Variants in HDAC9 observed in about 807,000 individuals in gnomAD.
HDAC9 encodes the protein histone deacetylase 9.
In HDAC9, 41 loss-of-function variants were observed where a neutral mutation model predicts 139.4. That is an observed-to-expected ratio of 0.29 (90% CI 0.23 to 0.38). HDAC9 has a LOEUF of 0.38. Among genes scored for constraint, HDAC9 ranks in the 10% least tolerant of loss-of-function variants. The pLI, the probability that HDAC9 is intolerant of heterozygous loss-of-function variation, is 1.00. For missense variants in HDAC9, 1,147 were observed against 1,297.0 expected, an observed-to-expected ratio of 0.88 and a Z score of 1.78; for synonymous variants, 517 against 476.2, an observed-to-expected ratio of 1.09 and a Z score of -1.12.
chr7:18,653,521 A>G (rs747105687), intron 11 of HDAC9, among the ~76,000 whole-genome samples: 3 of 152,118 alleles, frequency 2.0e-5, no homozygotes, highest in Non-Finnish European at 4.4e-5. Context: ...TCATGAGATG[A>G]TATCTTATAT....
At chr7:18,166,018 A>G (rs959980188) in intron 2 of HDAC9, among the ~76,000 whole-genome samples, 3 of 152,120 alleles carry the variant, frequency 2.0e-5, no homozygotes, top group African/African-American at 7.2e-5. Flanking sequence ...CGATCTCAAG[A>G]TTATAGAAAA....
At chr7:18,667,532 C>CT (rs1795169415) in intron 12 of HDAC9, 1 of 985,024 alleles carries the variant, frequency 1.0e-6, no homozygotes, top group Non-Finnish European at 1.2e-6. Flanking sequence ...TCCTTTGATG[C>CT]TATAAAATAC....
chr7:18,748,283 C>T (rs1788153294), intron 13 of HDAC9, among the ~76,000 whole-genome samples: 1 of 152,146 alleles, frequency 6.6e-6, no homozygotes, highest in Non-Finnish European at 1.5e-5. Context: ...TATGCTAATA[C>T]TTGATAATTT....
chr7:18,962,112 TACTTC>T (rs1195718441), intron 24 of HDAC9, among the ~76,000 whole-genome samples: 1 of 152,216 alleles, frequency 6.6e-6, no homozygotes, highest in African/African-American at 2.4e-5. Context: ...ACTTGTAAAA[TACTTC>T]TAATCAGAAA....
chr7:18,741,431 G>A (rs560778426), intron 13 of HDAC9, among the ~76,000 whole-genome samples: 12 of 152,256 alleles, frequency 7.9e-5, no homozygotes, highest in East Asian at 5.8e-4. Context: ...CAGCATATCC[G>A]TTTAGAGTGT....
chr7:18,096,668 T>C, intron 1 of HDAC9, among the ~76,000 whole-genome samples: 1 of 152,222 alleles, frequency 6.6e-6, no homozygotes, highest in African/African-American at 2.4e-5. Context: ...TTTTGTTTTC[T>C]TCCATAGCAC....
chr7:18,786,585 G>GCTTCCTTCCTTCCTTCCTTC (rs34314311), intron 16 of HDAC9, among the ~76,000 whole-genome samples: 5 of 53,292 alleles, frequency 9.4e-5, no homozygotes, highest in African/African-American at 1.2e-4. Flanking sequence ...TGGCTGGCTG[G>GCTTCCTTCCTTCCTTCCTTC]CTTCCTTCCT....
intron 6 of HDAC9, among the ~76,000 whole-genome samples, chr7:18,618,024 T>C (rs903341240): frequency 6.6e-6 from 1 of 152,162 alleles, no homozygotes; most frequent in Non-Finnish European, 1.5e-5. Flanking sequence ...TTATTTTATT[T>C]TAATTCTTGT....
chr7:18,976,845 A>G (rs1373396963), intron 25 of HDAC9, among the ~76,000 whole-genome samples: 2 of 152,200 alleles, frequency 1.3e-5, no homozygotes, highest in Admixed American at 1.3e-4. Context: ...GCACTCTTAA[A>G]TTGCTCCTGA....
chr7:18,629,230 A>T, intron 6 of HDAC9, 120 bp from the exon 7 acceptor site: 1 of 894,110 alleles, frequency 1.1e-6, no homozygotes, highest in Non-Finnish European at 1.6e-6. Context: ...TGGGTTTTTC[A>T]TTTGAGAATG....
intron 22 of HDAC9, among the ~76,000 whole-genome samples, chr7:18,924,286 T>C (rs901867552): frequency 4.6e-5 from 7 of 152,116 alleles, no homozygotes; most frequent in African/African-American, 1.7e-4. Flanking sequence ...AAATGTATAA[T>C]AGAAGCTTAT....
At chr7:18,978,190 T>C (rs1038186655) in intron 25 of HDAC9, among the ~76,000 whole-genome samples, 1 of 152,160 alleles carries the variant, frequency 6.6e-6, no homozygotes, top group Non-Finnish European at 1.5e-5. Context: ...GAAGGCAAGA[T>C]TCCTTTTATA....
chr7:18,230,490 C>T (rs183353940), intron 2 of HDAC9, among the ~76,000 whole-genome samples: 2 of 152,262 alleles, frequency 1.3e-5, no homozygotes, highest in East Asian at 3.9e-4. Context: ...ATGATAAATT[C>T]CTCTTTGTTC....
intron 1 of HDAC9, among the ~76,000 whole-genome samples, chr7:18,090,339 T>C (rs1456982175): frequency 1.3e-5 from 2 of 152,206 alleles, no homozygotes; most frequent in Non-Finnish European, 2.9e-5. Flanking sequence ...AGATCAGATT[T>C]TAAATCAGTC....
At chr7:18,834,334 CT>C (rs145160356) in intron 19 of HDAC9, among the ~76,000 whole-genome samples, 8,763 of 144,670 alleles carry the variant, frequency 0.061, 439 homozygotes, top group Middle Eastern at 0.16. Flanking sequence ...TGGAGTGGCT[CT>C]TTTTTTTTTG....
chr7:18,316,509 C>A (rs928813870), intron 1 of HDAC9, among the ~76,000 whole-genome samples: 2 of 151,802 alleles, frequency 1.3e-5, no homozygotes, highest in Non-Finnish European at 2.9e-5. Flanking sequence ...TAAAAATTCA[C>A]CCATGTTGCC....
In HDAC9 at chr7:18,591,643, G is replaced by A. The variant is rs775840472; in HGVS notation, c.542+1G>A. ...GCCGCCATCCCAAGCTCTGGTACAC[G>A]TATGTTCAGTGTTTGGCTGTTTTCA... On this transcript the variant is annotated splice_donor_variant, in intron 5 of 25. Transcript: ENST00000686413. LOFTEE classifies it high-confidence loss of function. The A allele has an allele frequency of 2.2e-5, 36 of 1,612,792 alleles. No homozygotes were observed. Among genetic ancestry groups the A allele is most frequent in the Non-Finnish European group, 2.9e-5 (34 of 1,179,278 alleles).
At chr7:18,349,311 C>CACACAA (rs1782670915) in intron 1 of HDAC9, among the ~76,000 whole-genome samples, 1 of 21,466 alleles carries the variant, frequency 4.7e-5, no homozygotes, top group African/African-American at 1.1e-4. Flanking sequence ...AACATCTACA[C>CACACAA]ACACACACAC....
chr7:18,395,535 C>T (rs1390950811), intron 1 of HDAC9, among the ~76,000 whole-genome samples: 1 of 124,348 alleles, frequency 8.0e-6, no homozygotes, highest in Admixed American at 8.1e-5. Flanking sequence ...CCTAAGGCTT[C>T]AAAAAAAAAA....
Sources: allele counts gnomAD v4.1 joint callset (sites outside exome capture counted in the v4.1 genomes callset), GRCh38; gene constraint gnomAD v4.1.1; transcripts MANE v1.5; gene names NCBI Gene and HGNC (gene_info 2026-07-23, HGNC 2026-07-21).